ZNF175: variants seen among roughly 807,000 people sequenced by gnomAD.
ZNF175 encodes zinc finger protein OTK18.
ZNF175 carries 8 observed loss-of-function variants against 14.0 expected under a neutral mutation model. The observed-to-expected ratio is 0.57, with a 90% CI of 0.34 to 1.03. The LOEUF is 1.03. Among genes scored for constraint, ZNF175 ranks in the 50% least tolerant of loss-of-function variants. The pLI is 0.03. For missense variants in ZNF175, 764 were observed against 849.5 expected (o/e 0.90, Z 1.25); for synonymous variants, 255 against 296.8 (o/e 0.86, Z 1.45).
intron 1 of ZNF175, among the ~76,000 whole-genome samples, chr19:51,572,508 A>G (rs1402759410): frequency 6.6e-6 from 1 of 152,194 alleles, no homozygotes; most frequent in African/African-American, 2.4e-5. Flanking sequence ...AAAAGTCCAG[A>G]AGCTCAGAAT....
In ZNF175 at chr19:51,587,030, C is replaced by T. The variant is rs1236607980; in HGVS notation, c.699C>T (p.Phe233=). The T allele has an allele frequency of 2.5e-6, 4 of 1,614,174 alleles. 1 individual carries two copies. The highest frequency in any genetic ancestry group is 3.3e-4 in the Middle Eastern group (2 of 6,062). The change falls in exon 5 of 5, where the codon TTC becomes TTT. Residue 233 remains phenylalanine, a synonymous_variant. Transcript: ENST00000262259. The part of the protein sequence containing the change: ...LDDVVGSGQL[F]SHSSSDACSK... ...ACGTTGTTGGGTCTGGTCAGCTATTCAGCCATAGCTCTTCTGATGCCTGCA... is the reference window on the plus strand; with the variant it reads ...ACGTTGTTGGGTCTGGTCAGCTATTTAGCCATAGCTCTTCTGATGCCTGCA...
At position 51,587,066 on chromosome 19, in the gene ZNF175, T is replaced by A; in HGVS notation, c.735T>A (p.Ile245=). The A allele has an allele frequency of 6.2e-7, 1 of 1,614,170 alleles. No individual in the cohort carries two copies. The highest frequency in any genetic ancestry group is 1.1e-5 in the South Asian group (1 of 91,086). The change falls in exon 5 of 5, where the codon ATT becomes ATA. Residue 245 remains isoleucine (I), a synonymous_variant. Coordinates refer to ENST00000262259, the MANE Select transcript of ZNF175 (RefSeq NM_007147.4). Reference sequence around the variant, plus strand: ...CTTCTGATGCCTGCAGCAAGAATATTCATACAGGAGAGACATTTTGCAAAG... The same window carrying A: ...CTTCTGATGCCTGCAGCAAGAATATACATACAGGAGAGACATTTTGCAAAG... ...HSSSDACSKN[I]HTGETFCKGN...
intron 3 of ZNF175, 90 bp from the exon 4 acceptor site, chr19:51,581,697 C>G (rs1285450577): frequency 1.3e-6 from 2 of 1,539,614 alleles, no homozygotes; most frequent in Non-Finnish European, 1.7e-6. Flanking sequence ...AAAATGTTGA[C>G]TTTTCTAATG....
At position 51,582,259 on chromosome 19, in the gene ZNF175, C is replaced by T. The variant is rs535432906; in HGVS notation, c.295+377C>T. 1.5e-4 allele frequency among the ~76,000 whole-genome samples: 23 copies of T among 152,230 alleles called. No individual in the cohort carries two copies. The South Asian group carries it at 4.6e-3, about 30-fold the overall frequency. ...TAACAAAATTGGTGAATTTATAGCC[C>T]TACTGATAGGTGAAAGGGCTGTTTC... On this transcript the variant is annotated intron_variant, in intron 4 of 4. Transcript: ENST00000262259.
chr19:51,591,005 T>TCACCTG lies in ZNF175; in HGVS notation c.*2539_*2544dup, dbSNP rs113581628. The TCACCTG allele has an allele frequency of 0.23, 34,869 of 151,928 alleles. 4,639 individuals carry two copies. Among genetic ancestry groups the TCACCTG allele is most frequent in the East Asian group, 0.61 (3,097 of 5,084 alleles). The allele number at this position is 151,928 out of a possible 1,614,324, so 9.4% of individuals were successfully genotyped here. ...TCTGGGCTTTCCCTGTTCCTAAGCA[T>TCACCTG]CACCTGGGGGGATCACTCTGGGTCC... is the stretch of plus-strand genomic sequence containing the variant. On this transcript the variant is annotated 3_prime_UTR_variant, in exon 5 of 5. Transcript: ENST00000262259.
In ZNF175 at chr19:51,586,942, G is replaced by C. The variant is rs1348710312; in HGVS notation, c.611G>C (p.Ser204Thr). 2 of 1,614,048 alleles carry C rather than the reference G, an allele frequency of 1.2e-6. No homozygotes were observed. Among genetic ancestry groups the C allele is most frequent in the East Asian group, 2.2e-5 (1 of 44,904 alleles). ...CAGAAATGTTGCTTATTTACAGAAA[G>C]TTTGAAGCTGAACCTAGAAGTGAAC... ...QPQKCCLFTESLKLNLEVNGQ... is the reference protein window; with the variant it reads ...QPQKCCLFTETLKLNLEVNGQ... The change falls in exon 5 of 5, where the codon AGT (serine) becomes ACT (threonine). Residue 204 changes from serine (S) to threonine (T), a missense_variant. By Grantham distance (58) the Ser-to-Thr change is moderately conservative. Coordinates refer to ENST00000262259, the MANE Select transcript of ZNF175 (RefSeq NM_007147.4).
At chr19:51,572,613 A>G (rs1483817129) in intron 1 of ZNF175, among the ~76,000 whole-genome samples, 1 of 152,184 alleles carries the variant, frequency 6.6e-6, no homozygotes, top group Non-Finnish European at 1.5e-5. Flanking sequence ...GTATGGGTAC[A>G]TGAGATAGTG....
chr19:51,577,733 G>T (rs541222804), intron 2 of ZNF175, among the ~76,000 whole-genome samples: 1 of 136,754 alleles, frequency 7.3e-6, no homozygotes. Flanking sequence ...GCACGATCTT[G>T]GCTCACTGCA....
rs374294586 is a variant in ZNF175 at position 51,589,027 on chromosome 19, C to T, written c.*560C>T. Reference sequence around the variant, plus strand: ...AAGCATTTTGGATTTCAGATACTTACAGATTTTGGAATATTTGCATTATAT... The same window carrying T: ...AAGCATTTTGGATTTCAGATACTTATAGATTTTGGAATATTTGCATTATAT... On this transcript the variant is annotated 3_prime_UTR_variant, in exon 5 of 5. Transcript: ENST00000262259. 78 of 273,980 alleles carry T rather than the reference C, an allele frequency of 2.8e-4. 2 individuals carry two copies. The South Asian group carries it at 0.01, about 36-fold the overall frequency. 17.0% of individuals were successfully genotyped at this position (273,980 alleles called of 1,614,324 possible).
chr19:51,573,549 A>G, intron 2 of ZNF175, 148 bp downstream of exon 2: 1 of 697,486 alleles, frequency 1.4e-6, no homozygotes, highest in Non-Finnish European at 2.4e-6. Context: ...TTCATAGGCT[A>G]TCTGTGTTCT....
chr19:51,575,155 T>C (rs1981728569), intron 2 of ZNF175, among the ~76,000 whole-genome samples: 1 of 151,920 alleles, frequency 6.6e-6, no homozygotes, highest in African/African-American at 2.4e-5. Flanking sequence ...AGTTACTTTT[T>C]CTTACCTTTT....
intron 1 of ZNF175, among the ~76,000 whole-genome samples, chr19:51,571,980 T>A (rs1200467203): frequency 6.6e-6 from 1 of 152,188 alleles, no homozygotes; most frequent in East Asian, 1.9e-4. Flanking sequence ...AATGCATTGC[T>A]TTCTAGGCAG....
chr19:51,580,722 CTCTTA>C (rs1981968494), intron 2 of ZNF175, among the ~76,000 whole-genome samples: 1 of 152,154 alleles, frequency 6.6e-6, no homozygotes, highest in Non-Finnish European at 1.5e-5. Context: ...ACATAGTCGC[CTCTTA>C]TCTTACACAG....
In ZNF175 at chr19:51,591,080, C is replaced by G. The variant is rs931250298; in HGVS notation, c.*2613C>G. The stretch of plus-strand genomic sequence containing the variant: ...CTCACGTGGGCCTCCCTAACTGTCC[C>G]CCTCAGGGCAAGCCCTTCCTCCCCA... On this transcript the variant is annotated 3_prime_UTR_variant, in exon 5 of 5. Coordinates refer to ENST00000262259, the MANE Select transcript of ZNF175 (RefSeq NM_007147.4). 6.5e-6 allele frequency: 1 copy of G among 152,732 alleles called. No individual in the cohort carries two copies. Among genetic ancestry groups the G allele is most frequent in the Non-Finnish European group, 1.5e-5 (1 of 68,432 alleles). 9.5% of individuals were successfully genotyped at this position (152,732 alleles called of 1,614,324 possible). A position where few individuals can be genotyped will look rare whatever the true frequency, so the allele number is the denominator to read the frequency against.
At position 51,589,595 on chromosome 19, in the gene ZNF175, G is replaced by A; in HGVS notation, c.*1128G>A. On this transcript the variant is annotated 3_prime_UTR_variant, in exon 5 of 5. Transcript: ENST00000262259. ...TTTCCATCTCCACCATCTATAGTGA[G>A]CCTCTCCATAATTAGTGCCAACCAT... The A allele has an allele frequency of 1.4e-6, 1 of 701,924 alleles. No homozygotes were observed. The highest frequency in any genetic ancestry group is 2.6e-6 in the Non-Finnish European group (1 of 384,714). 43.5% of individuals were successfully genotyped at this position (701,924 alleles called of 1,614,324 possible). A position where few individuals can be genotyped will look rare whatever the true frequency, so the allele number is the denominator to read the frequency against.
At chr19:51,572,840 G>C (rs73050815) in intron 1 of ZNF175, among the ~76,000 whole-genome samples, 1 of 152,120 alleles carries the variant, frequency 6.6e-6, no homozygotes. Context: ...GGCAGGCACT[G>C]AGGACTTGAC....
At chr19:51,578,609 A>G (rs1167835981) in intron 2 of ZNF175, among the ~76,000 whole-genome samples, 1 of 152,122 alleles carries the variant, frequency 6.6e-6, no homozygotes, top group Non-Finnish European at 1.5e-5. Flanking sequence ...CTTTACAAAA[A>G]ATAGAAAAAT....
chr19:51,589,087 G>T lies in ZNF175; in HGVS notation c.*620G>T. Reference sequence around the variant, plus strand: ...GAGCATCCCTAATCTGAAAATCCAAGATTAAATGCTCCAATTAGCATTTCC... The same window carrying T: ...GAGCATCCCTAATCTGAAAATCCAATATTAAATGCTCCAATTAGCATTTCC... On this transcript the variant is annotated 3_prime_UTR_variant, in exon 5 of 5. Transcript: ENST00000262259. 4.7e-6 allele frequency: 1 copy of T among 212,362 alleles called. No individual in the cohort carries two copies. Among genetic ancestry groups the T allele is most frequent in the Non-Finnish European group, 9.2e-6 (1 of 108,996 alleles). 13.2% of individuals were successfully genotyped at this position (212,362 alleles called of 1,614,324 possible).
intron 4 of ZNF175, among the ~76,000 whole-genome samples, chr19:51,584,740 A>G (rs1484301001): frequency 6.6e-6 from 1 of 152,198 alleles, no homozygotes; most frequent in Non-Finnish European, 1.5e-5. Flanking sequence ...AAAATGCTCA[A>G]CTTCACTAAT....
Sources: gnomAD v4.1 joint callset for allele counts (sites outside exome capture counted in the v4.1 genomes callset) on GRCh38, gnomAD v4.1.1 for gene constraint, MANE v1.5 for transcripts, NCBI Gene and HGNC (gene_info 2026-07-23, HGNC 2026-07-21) for gene names.